NOTCH2NLR: variants seen among roughly 807,000 people sequenced by gnomAD.
NOTCH2NLR encodes notch 2 N-terminal like R.
Under a neutral mutation model 35.6 loss-of-function variants are expected in NOTCH2NLR, and 33 were observed. The ratio of observed to expected loss-of-function variants is 0.93; its 90% CI spans 0.70 to 1.24. The LOEUF (loss-of-function observed/expected upper bound fraction) is 1.24, where lower values mean the gene tolerates loss of function less well. Ranked by LOEUF, NOTCH2NLR falls within the 50% of genes most tolerant of loss-of-function variation. NOTCH2NLR has a pLI of 0.00. For synonymous variants in NOTCH2NLR, 103 were observed against 141.0 expected, an observed-to-expected ratio of 0.73 and a Z score of 1.91; for missense variants, 276 against 362.2, an observed-to-expected ratio of 0.76 and a Z score of 1.93.
In NOTCH2NLR at chr1:120,754,402, T is replaced by C. The variant is rs1260029098; in HGVS notation, c.74-9226T>C. Among the ~76,000 whole-genome samples the C allele has an allele frequency of 7.7e-5, 5 of 64,562 alleles. 1 individual carries two copies. Among genetic ancestry groups the C allele is most frequent in the Non-Finnish European group, 1.3e-4 (5 of 37,940 alleles). 42.4% of individuals were successfully genotyped at this position (64,562 alleles called of 152,430 possible). A position where few individuals can be genotyped will look rare whatever the true frequency, so the allele number is the denominator to read the frequency against. ...GCACACAAATATATAGCACTTTTTGTAGAGAATAATTAAATTTCTAGATAT... is the reference window on the plus strand; with the variant it reads ...GCACACAAATATATAGCACTTTTTGCAGAGAATAATTAAATTTCTAGATAT... On this transcript the variant is annotated intron_variant, in intron 1 of 4. Transcript: ENST00000624419.
exon 4 of NOTCH2NLR, chr1:120,793,410 A>G: frequency 2.1e-6 from 3 of 1,441,836 alleles, no homozygotes; most frequent in Non-Finnish European, 2.8e-6. Context: ...GACAGACTGT[A>G]TGTGCCCTGT....
intron 2 of NOTCH2NLR, among the ~76,000 whole-genome samples, chr1:120,768,633 G>A (rs1186498066): frequency 9.2e-6 from 1 of 109,172 alleles, no homozygotes; most frequent in East Asian, 2.2e-4. Flanking sequence ...AACTGTAAAT[G>A]TGGGTTTCAT....
intron 1 of NOTCH2NLR, among the ~76,000 whole-genome samples, chr1:120,730,504 C>A (rs1650863861): frequency 1.1e-5 from 1 of 87,094 alleles, no homozygotes; most frequent in Non-Finnish European, 2.0e-5. Context: ...GGCTTCAGAT[C>A]TGAAAGGATA....
intron 2 of NOTCH2NLR, among the ~76,000 whole-genome samples, chr1:120,767,908 GTTC>G (rs1352110470): frequency 8.6e-6 from 1 of 116,928 alleles, no homozygotes; most frequent in Non-Finnish European, 1.6e-5. Context: ...TTGTCTGCTG[GTTC>G]TTAACAACTG....
At chr1:120,776,251 G>A (rs1439337156) in intron 2 of NOTCH2NLR, among the ~76,000 whole-genome samples, 2 of 115,328 alleles carry the variant, frequency 1.7e-5, no homozygotes, top group African/African-American at 5.2e-5. Context: ...AAGAACAGAG[G>A]GGGTATCAAG....
chr1:120,783,685 GAAC>G (rs1651391064), intron 2 of NOTCH2NLR, among the ~76,000 whole-genome samples: 1 of 115,802 alleles, frequency 8.6e-6, no homozygotes, highest in African/African-American at 5.1e-5. Context: ...AAAACCAAGT[GAAC>G]AACAGTAACA....
At position 120,770,777 on chromosome 1, in the gene NOTCH2NLR, C is replaced by T. The variant is rs1265366692; in HGVS notation, c.155+7068C>T. Among the ~76,000 whole-genome samples the T allele has an allele frequency of 2.6e-5, 3 of 116,834 alleles. 1 individual carries two copies. The highest frequency in any genetic ancestry group is 4.9e-5 in the Non-Finnish European group (3 of 60,774). 76.6% of individuals were successfully genotyped at this position (116,834 alleles called of 152,430 possible). A position where few individuals can be genotyped will look rare whatever the true frequency, so the allele number is the denominator to read the frequency against. ...CTGTCAATAAAATGGGACAGAATTA[C>T]CTGTTTTAAGTTGGTAGTTCAAATG... On this transcript the variant is annotated intron_variant, in intron 2 of 4. Coordinates refer to ENST00000624419, the Ensembl canonical transcript of NOTCH2NLR.
Position 120,728,907 on chromosome 1 carries a change from G to T in NOTCH2NLR, c.73+4657G>T, listed in dbSNP as rs1650845609. On this transcript the variant is annotated intron_variant, in intron 1 of 4. Transcript: ENST00000624419. ...GAATAAATACTTGAGAGAATCACATGGTGTTGAGTTGTCTCTGCCACATGA... is the reference window on the plus strand; with the variant it reads ...GAATAAATACTTGAGAGAATCACATTGTGTTGAGTTGTCTCTGCCACATGA... 1.8e-5 allele frequency among the ~76,000 whole-genome samples: 2 copies of T among 108,534 alleles called. 1 individual carries two copies. 71.2% of individuals were successfully genotyped at this position (108,534 alleles called of 152,430 possible). A position where few individuals can be genotyped will look rare whatever the true frequency, so the allele number is the denominator to read the frequency against.
In NOTCH2NLR at chr1:120,745,845, G is replaced by T. The variant is rs1353682413; in HGVS notation, c.74-17783G>T. Reference sequence around the variant, plus strand: ...AAAAAAAAAAAAAAAACAAGGTAAAGTAATTTTTCAAGAGCACAAAAATAG... The same window carrying T: ...AAAAAAAAAAAAAAAACAAGGTAAATTAATTTTTCAAGAGCACAAAAATAG... On this transcript the variant is annotated intron_variant, in intron 1 of 4. Coordinates refer to ENST00000624419, the Ensembl canonical transcript of NOTCH2NLR. 2.5e-5 allele frequency among the ~76,000 whole-genome samples: 2 copies of T among 81,494 alleles called. 1 individual carries two copies. The highest frequency in any genetic ancestry group is 1.7e-4 in the African/African-American group (2 of 11,912). The allele number at this position is 81,494 out of a possible 152,430, so 53.5% of individuals were successfully genotyped here. A position where few individuals can be genotyped will look rare whatever the true frequency, so the allele number is the denominator to read the frequency against.
chr1:120,764,115 C>T (rs1291445840), intron 2 of NOTCH2NLR, among the ~76,000 whole-genome samples: 4 of 110,756 alleles, frequency 3.6e-5, no homozygotes, highest in South Asian at 2.7e-4. Context: ...GGTGTGGTGG[C>T]GCATGACTGG....
intron 2 of NOTCH2NLR, among the ~76,000 whole-genome samples, chr1:120,783,823 G>T (rs1651392921): frequency 9.0e-6 from 1 of 111,550 alleles, no homozygotes; most frequent in Admixed American, 8.7e-5. Flanking sequence ...TTAGACAGAG[G>T]GAGTCATAGA....
intron 1 of NOTCH2NLR, among the ~76,000 whole-genome samples, chr1:120,745,199 C>T (rs1323602408): frequency 3.6e-5 from 4 of 109,830 alleles, no homozygotes; most frequent in African/African-American, 2.2e-4. Context: ...CTTTACTGCA[C>T]GCTTTAGTCC....
At position 120,727,518 on chromosome 1, in the gene NOTCH2NLR, A is replaced by C. The variant is rs1318467248; in HGVS notation, c.73+3268A>C. 3.8e-5 allele frequency among the ~76,000 whole-genome samples: 4 copies of C among 106,586 alleles called. No individual in the cohort carries two copies. The East Asian group carries it at 9.0e-4, about 24-fold the overall frequency. The allele number at this position is 106,586 out of a possible 152,430, so 69.9% of individuals were successfully genotyped here. ...GCTTCATATATTTAGATGATATAAT[A>C]AATTCTCCACCTCTCCTTTTCCCTT... On this transcript the variant is annotated intron_variant, in intron 1 of 4. Coordinates refer to ENST00000624419, the Ensembl canonical transcript of NOTCH2NLR.
intron 2 of NOTCH2NLR, among the ~76,000 whole-genome samples, chr1:120,770,071 TC>T (rs1651245078): frequency 8.6e-6 from 1 of 115,828 alleles, no homozygotes; most frequent in African/African-American, 3.5e-5. Flanking sequence ...ACTGATTTTT[TC>T]TTTTGCCTTA....
At chr1:120,760,733 AAT>A (rs1202774455) in intron 1 of NOTCH2NLR, among the ~76,000 whole-genome samples, 12 of 105,818 alleles carry the variant, frequency 1.1e-4, no homozygotes, top group Middle Eastern at 3.6e-3. Flanking sequence ...TTATTCAGAC[AAT>A]ATGTTATCAT....
In NOTCH2NLR at chr1:120,758,981, G is replaced by A. The variant is rs1234793399; in HGVS notation, c.74-4647G>A. On this transcript the variant is annotated intron_variant, in intron 1 of 4. Coordinates refer to ENST00000624419, the Ensembl canonical transcript of NOTCH2NLR. ...GGTTTTGTTTCCAATGGAACTTATC[G>A]CTTATTACTGTCCTAAATTATTTTA... Among the ~76,000 whole-genome samples the A allele has an allele frequency of 1.5e-4, 17 of 109,994 alleles. 3 individuals are homozygous for A. Among genetic ancestry groups the A allele is most frequent in the African/African-American group, 5.1e-4 (9 of 17,534 alleles). 72.2% of individuals were successfully genotyped at this position (109,994 alleles called of 152,430 possible).
chr1:120,765,144 A>G lies in NOTCH2NLR; in HGVS notation c.155+1435A>G, dbSNP rs1219178697. On this transcript the variant is annotated intron_variant, in intron 2 of 4. Transcript: ENST00000624419. ...TTATGTAGCTTATTATGAGCTGCTC[A>G]TTTAGTTTTTCTAGCTGGGGGAAAA... is the stretch of plus-strand genomic sequence containing the variant. 4.1e-5 allele frequency among the ~76,000 whole-genome samples: 5 copies of G among 121,376 alleles called. 2 individuals carry two copies. Among genetic ancestry groups the G allele is most frequent in the African/African-American group, 2.1e-4 (5 of 23,900 alleles). 79.6% of individuals were successfully genotyped at this position (121,376 alleles called of 152,430 possible).
Position 120,793,084 on chromosome 1 carries a change from G to A in NOTCH2NLR, c.416-77G>A, listed in dbSNP as rs1651511190. ...GGTCTTCTCCACGCAAGAGCTCGCT[G>A]ATGTCAATGAGGTATTGAGGATGGG... On this transcript the variant is annotated intron_variant, in intron 3 of 4. Transcript: ENST00000624419. 1.3e-5 allele frequency: 9 copies of A among 668,422 alleles called. 2 individuals carry two copies. The highest frequency in any genetic ancestry group is 2.0e-5 in the Non-Finnish European group (8 of 403,648). The allele number at this position is 668,422 out of a possible 1,614,324, so 41.4% of individuals were successfully genotyped here. A position where few individuals can be genotyped will look rare whatever the true frequency, so the allele number is the denominator to read the frequency against.
chr1:120,791,847 T>C (rs1651497037), intron 3 of NOTCH2NLR, among the ~76,000 whole-genome samples: 1 of 72,070 alleles, frequency 1.4e-5, no homozygotes, highest in Non-Finnish European at 2.3e-5. Flanking sequence ...GTAGTTTAAA[T>C]AATAAGTGAC....
Sources: gnomAD v4.1 joint callset for allele counts (sites outside exome capture counted in the v4.1 genomes callset) on GRCh38, gnomAD v4.1.1 for gene constraint, MANE v1.5 for transcripts, NCBI Gene and HGNC (gene_info 2026-07-23, HGNC 2026-07-21) for gene names.